The following SH3RF1 variants were observed in gnomAD, a reference collection of about 807,000 sequenced individuals.
The protein encoded by SH3RF1 is E3 ubiquitin-protein ligase SH3RF1.
SH3RF1 carries 32 observed loss-of-function variants against 74.0 expected under a neutral mutation model. The observed-to-expected ratio is 0.43, with a 90% CI of 0.33 to 0.58. The LOEUF (loss-of-function observed/expected upper bound fraction) is 0.58. SH3RF1 is among the 20% of genes least tolerant of loss of function. The probability of loss-of-function intolerance (pLI) is 0.05; values close to 1 mark genes in which losing one functional copy is unlikely to be tolerated. For synonymous variants in SH3RF1, 396 were observed against 439.6 expected (o/e 0.90, Z 1.24); for missense variants, 954 against 1,130.9 (o/e 0.84, Z 2.24).
intron 2 of SH3RF1, among the ~76,000 whole-genome samples, chr4:169,205,846 G>C (rs1217140004): frequency 2.6e-5 from 4 of 152,140 alleles, no homozygotes; most frequent in African/African-American, 9.7e-5. Context: ...ATCCTGACTT[G>C]AGAAAACAAA....
At chr4:169,252,527 G>A (rs369673346) in intron 2 of SH3RF1, among the ~76,000 whole-genome samples, 5 of 152,202 alleles carry the variant, frequency 3.3e-5, no homozygotes, top group African/African-American at 1.2e-4. Flanking sequence ...TGGCACCTGG[G>A]TGCCAATAAT....
At position 169,096,490 on chromosome 4, in the gene SH3RF1, G is replaced by A. The variant is rs776132457; in HGVS notation, c.*29C>T. 6.2e-7 allele frequency: 1 copy of A among 1,605,938 alleles called. No individual in the cohort carries two copies. The highest frequency in any genetic ancestry group is 1.7e-5 in the Admixed American group (1 of 58,880). On this transcript the variant is annotated 3_prime_UTR_variant, in exon 12 of 12. Transcript: ENST00000284637. ...TTTGTGCTACTTTGTTGTGTGAAGT[G>A]ATTTTAAGCTTCTTCAGTGTCAGTC...
intron 2 of SH3RF1, among the ~76,000 whole-genome samples, chr4:169,250,619 G>A (rs144449973): frequency 2.8e-4 from 43 of 152,292 alleles, no homozygotes; most frequent in African/African-American, 9.9e-4. Context: ...ACCTGCTGGG[G>A]ATACAGACAG....
intron 5 of SH3RF1, among the ~76,000 whole-genome samples, chr4:169,135,281 T>C (rs1447853384): frequency 6.6e-6 from 1 of 152,228 alleles, no homozygotes; most frequent in African/African-American, 2.4e-5. Context: ...CTTACTAGAA[T>C]GTAAACTTTT....
At chr4:169,146,420 G>A (rs1218232213) in intron 4 of SH3RF1, among the ~76,000 whole-genome samples, 1 of 151,600 alleles carries the variant, frequency 6.6e-6, no homozygotes, top group African/African-American at 2.4e-5. Context: ...AGTAGAGACA[G>A]GGTTTCACCA....
In SH3RF1 at chr4:169,095,090, T is replaced by A. The variant is rs941754452; in HGVS notation, c.*1429A>T. On this transcript the variant is annotated 3_prime_UTR_variant, in exon 12 of 12. Transcript: ENST00000284637. ...GAGGCCAATGACATCAAGGAATGGATATAAAAAGACAGGCTCTTCTGGATC... is the reference window on the plus strand; with the variant it reads ...GAGGCCAATGACATCAAGGAATGGAAATAAAAAGACAGGCTCTTCTGGATC... 2.0e-5 allele frequency: 3 copies of A among 152,588 alleles called. No individual in the cohort carries two copies. The highest frequency in any genetic ancestry group is 3.1e-3 in the Middle Eastern group (1 of 318). The allele number at this position is 152,588 out of a possible 1,614,324, so 9.5% of individuals were successfully genotyped here. A position where few individuals can be genotyped will look rare whatever the true frequency, so the allele number is the denominator to read the frequency against.
chr4:169,111,353 C>G (rs367675572), intron 10 of SH3RF1, among the ~76,000 whole-genome samples: 18 of 150,362 alleles, frequency 1.2e-4, no homozygotes, highest in African/African-American at 3.9e-4. Flanking sequence ...CTCCTGGGCT[C>G]AAGCCATCCT....
intron 4 of SH3RF1, 28 bp downstream of exon 4, chr4:169,155,452 C>T: frequency 1.3e-6 from 2 of 1,504,506 alleles, no homozygotes; most frequent in Non-Finnish European, 1.8e-6. Context: ...AATATTAACA[C>T]AGTTCAAGTT....
At chr4:169,206,521 A>T (rs1380395838) in intron 2 of SH3RF1, among the ~76,000 whole-genome samples, 1 of 152,240 alleles carries the variant, frequency 6.6e-6, no homozygotes, top group Non-Finnish European at 1.5e-5. Flanking sequence ...AAAAATTTTT[A>T]AAAATTATAT....
At chr4:169,211,481 C>CAAAAA (rs760721489) in intron 2 of SH3RF1, among the ~76,000 whole-genome samples, 1 of 90,930 alleles carries the variant, frequency 1.1e-5, no homozygotes, top group Non-Finnish European at 2.1e-5. Context: ...GACTCCGTCT[C>CAAAAA]AAAAAAAAAA....
intron 5 of SH3RF1, among the ~76,000 whole-genome samples, chr4:169,131,953 A>C (rs1452216360): frequency 6.6e-6 from 1 of 152,206 alleles, no homozygotes; most frequent in Non-Finnish European, 1.5e-5. Context: ...GGTGAATACC[A>C]AGTGTCCAAT....
At chr4:169,171,150 A>G (rs1024920041) in intron 2 of SH3RF1, among the ~76,000 whole-genome samples, 7 of 152,216 alleles carry the variant, frequency 4.6e-5, no homozygotes, top group African/African-American at 1.7e-4. Context: ...CAGGCAGCCA[A>G]TTGTTCAAAC....
chr4:169,172,727 AC>A (rs957752145), intron 2 of SH3RF1, among the ~76,000 whole-genome samples: 1 of 152,082 alleles, frequency 6.6e-6, no homozygotes, highest in Non-Finnish European at 1.5e-5. Context: ...GCCAGAGGAG[AC>A]TGACATTTGA....
At chr4:169,258,601 T>G (rs1731226223) in intron 2 of SH3RF1, among the ~76,000 whole-genome samples, 1 of 152,174 alleles carries the variant, frequency 6.6e-6, no homozygotes, top group African/African-American at 2.4e-5. Context: ...TGCTGAAAAA[T>G]AATCATCACT....
At chr4:169,245,075 T>C (rs1034714218) in intron 2 of SH3RF1, among the ~76,000 whole-genome samples, 1 of 152,174 alleles carries the variant, frequency 6.6e-6, no homozygotes, top group Non-Finnish European at 1.5e-5. Context: ...AAATAATATA[T>C]CTATCATGCT....
intron 2 of SH3RF1, among the ~76,000 whole-genome samples, chr4:169,186,922 G>A (rs1341445485): frequency 4.0e-5 from 6 of 150,678 alleles, no homozygotes; most frequent in Admixed American, 6.6e-5. Flanking sequence ...GCTGAGGCAG[G>A]AGAATGGTGC....
intron 2 of SH3RF1, among the ~76,000 whole-genome samples, chr4:169,239,304 G>C (rs916084487): frequency 2.6e-5 from 4 of 151,910 alleles, no homozygotes; most frequent in Non-Finnish European, 5.9e-5. Flanking sequence ...AAGAAACACT[G>C]AAGGCCAAGT....
intron 2 of SH3RF1, among the ~76,000 whole-genome samples, chr4:169,177,553 G>T (rs1734441358): frequency 6.6e-6 from 1 of 152,092 alleles, no homozygotes; most frequent in Admixed American, 6.5e-5. Context: ...ACACATGAAA[G>T]AACATTCGTA....
intron 2 of SH3RF1, among the ~76,000 whole-genome samples, chr4:169,160,128 G>A (rs1055292760): frequency 1.3e-5 from 2 of 151,962 alleles, no homozygotes; most frequent in Non-Finnish European, 2.9e-5. Flanking sequence ...ACCTCAATTA[G>A]CTCTGTTTGG....
Sources: gnomAD v4.1 joint callset for allele counts (sites outside exome capture counted in the v4.1 genomes callset) on GRCh38, gnomAD v4.1.1 for gene constraint, MANE v1.5 for transcripts, NCBI Gene and HGNC (gene_info 2026-07-23, HGNC 2026-07-21) for gene names.